Variants in GRIN3B observed in about 807,000 individuals in gnomAD.
The protein encoded by GRIN3B is glutamate ionotropic receptor NMDA type subunit 3B.
A neutral mutation model predicts 66.0 loss-of-function variants in GRIN3B; 77 were observed. The observed-to-expected ratio is 1.17, with a 90% CI of 0.97 to 1.41. GRIN3B has a LOEUF of 1.41. Among genes scored for constraint, GRIN3B ranks in the 40% most tolerant of loss-of-function variants. The pLI is 0.00. For synonymous variants in GRIN3B, 823 were observed against 749.7 expected, an observed-to-expected ratio of 1.10 and a Z score of -1.60; for missense variants, 1,787 against 1,564.5, an observed-to-expected ratio of 1.14 and a Z score of -2.40.
chr19:1,005,213 G>A lies in GRIN3B; in HGVS notation c.1712G>A (p.Trp571Ter). 1 of 1,613,378 alleles carries A rather than the reference G, an allele frequency of 6.2e-7. No individual in the cohort carries two copies. Among genetic ancestry groups the A allele is most frequent in the African/African-American group, 1.3e-5 (1 of 74,980 alleles). The stretch of plus-strand genomic sequence containing the variant: ...GCCTCACCCATCGGTGCCTTTATGT[G>A]GCCCCTGCACTGGTCCACGTGGCTG... Reference protein sequence around the residue: ...DTASPIGAFMWPLHWSTWLGV... With the variant: ...DTASPIGAFM The change falls in exon 3 of 9, where the codon TGG (tryptophan) becomes TAG (stop). Residue 571 changes from tryptophan to a stop codon, truncating the protein, a stop_gained. Coordinates refer to ENST00000234389, the MANE Select transcript of GRIN3B (RefSeq NM_138690.3). LOFTEE classifies it high-confidence loss of function. The surrounding 1 kb of genome is among the most constrained non-coding windows in gnomAD (Gnocchi z 5.2).
intron 5 of GRIN3B, 29 bp from the exon 6 acceptor site, chr19:1,008,111 G>A (rs1478841688): frequency 4.4e-6 from 7 of 1,574,672 alleles, no homozygotes; most frequent in Admixed American, 1.9e-5. Flanking sequence ...TGTCCCACCT[G>A]GCCCCACCGC....
chr19:1,001,081 A>G (rs1200823900), intron 1 of GRIN3B, among the ~76,000 whole-genome samples: 2 of 151,936 alleles, frequency 1.3e-5, no homozygotes, highest in Non-Finnish European at 2.9e-5. Context: ...AGGGGCAGGG[A>G]CCTAGACGCG....
At chr19:1,008,328 GTGGGC>G in intron 6 of GRIN3B, 37 bp downstream of exon 6, 7 of 788,070 alleles carry the variant, frequency 8.9e-6, no homozygotes, top group South Asian at 6.5e-5. Context: ...GGGGGTGGGG[GTGGGC>G]GTGGGGGGCC....
rs1174384589 is a variant in GRIN3B, at chr19:1,007,743, C to A, written c.2168C>A (p.Pro723His). ...GCACACATGCGGCGCCACAGCGCGC[C>A]CACCACGCCCCGCGGCGTCGCCATG... ...MHAHMRRHSAPTTPRGVAMLT... is the reference protein window; with the variant it reads ...MHAHMRRHSAHTTPRGVAMLT... The change falls in exon 4 of 9, where the codon CCC (proline) becomes CAC (histidine). Residue 723 changes from proline to histidine, a missense_variant. By Grantham distance (77) the Pro-to-His change is moderately conservative. Transcript: ENST00000234389. This position sits in a 1 kb window ranked among gnomAD's most constrained non-coding sequence, Gnocchi z 4.4. 1.3e-6 allele frequency: 2 copies of A among 1,520,214 alleles called. No homozygotes were observed. Among genetic ancestry groups the A allele is most frequent in the Admixed American group, 4.2e-5 (2 of 47,550 alleles). The allele number at this position is 1,520,214 out of a possible 1,614,324, so 94.2% of individuals were successfully genotyped here. A position where few individuals can be genotyped will look rare whatever the true frequency, so the allele number is the denominator to read the frequency against.
rs2038670109 is a variant in GRIN3B, at chr19:1,000,489, G to T, written c.52G>T (p.Gly18Trp). The change falls in exon 1 of 9, where the codon GGG becomes TGG. Residue 18 changes from glycine (G) to tryptophan (W), a missense_variant. Gly to Trp is a radical substitution (Grantham distance 184, BLOSUM62 -2). Transcript: ENST00000234389. ...GGGCCTGGCGCTGGCGCTGGGGCCG[G>T]GGTCCGCGGGGGGCCACCCTCAGCC... ...WLGLALALGP[G>W]SAGGHPQPCG... The T allele has an allele frequency of 2.5e-6, 3 of 1,204,192 alleles. No homozygotes were observed. In the African/African-American group the frequency reaches 4.7e-5, roughly 19 times the overall value. The allele number at this position is 1,204,192 out of a possible 1,614,324, so 74.6% of individuals were successfully genotyped here.
At position 1,008,737 on chromosome 19, in the gene GRIN3B, C is replaced by T. The variant is rs1405222502; in HGVS notation, c.2586C>T (p.Arg862=). ...CCTTCTTCCGCCTGGCGCTGCCGCG[C>T]ATCCGCAAGGGGAGCAGGCTGCAGT... ...EHAFFRLALP[R]IRKGSRLQYW... The change falls in exon 7 of 9, where the codon CGC becomes CGT. Residue 862 remains arginine (R), a synonymous_variant. Transcript: ENST00000234389. The T allele has an allele frequency of 6.2e-7, 1 of 1,608,462 alleles. No individual in the cohort carries two copies. The highest frequency in any genetic ancestry group is 8.5e-7 in the Non-Finnish European group (1 of 1,178,288).
rs1209362057 is a variant in GRIN3B, at chr19:1,003,252, C to A, written c.549C>A (p.Asp183Glu). The A allele has an allele frequency of 6.4e-7, 1 of 1,573,974 alleles. No individual in the cohort carries two copies. The highest frequency in any genetic ancestry group is 8.6e-7 in the Non-Finnish European group (1 of 1,161,704). Residue 183 changes from aspartate to glutamate, a missense_variant, in exon 2 of 9, where the codon GAC becomes GAA. Transcript: ENST00000234389. ...DVGLALCRTQ[D>E]PGGLVALWTS... ...GCCTGGCCCTGTGCCGCACTCAGGA[C>A]CCCGGCGGCCTGGTGGCCCTCTGGA...
In GRIN3B at chr19:1,003,543, G is replaced by A. The variant is rs535903229; in HGVS notation, c.840G>A (p.Ala280=). ...PTAGLPPGLL[A]LGEVARPPLE... The stretch of plus-strand genomic sequence containing the variant: ...CGGGGCTGCCACCAGGGCTGCTGGC[G>A]CTGGGCGAGGTGGCACGACCCCCGC... Residue 280 remains alanine, a synonymous_variant, in exon 2 of 9, where the codon GCG becomes GCA. Coordinates refer to ENST00000234389, the MANE Select transcript of GRIN3B (RefSeq NM_138690.3). 2.4e-5 allele frequency: 36 copies of A among 1,522,416 alleles called. No individual in the cohort carries two copies. Among genetic ancestry groups the A allele is most frequent in the Middle Eastern group, 1.7e-4 (1 of 5,846 alleles). The allele number at this position is 1,522,416 out of a possible 1,614,324, so 94.3% of individuals were successfully genotyped here. A position where few individuals can be genotyped will look rare whatever the true frequency, so the allele number is the denominator to read the frequency against.
At position 1,003,687 on chromosome 19, in the gene GRIN3B, G is replaced by A. The variant is rs769333690; in HGVS notation, c.984G>A (p.Pro328=). 25 of 1,406,974 alleles carry A rather than the reference G, an allele frequency of 1.8e-5. No individual in the cohort carries two copies. In the Admixed American group the frequency reaches 3.0e-4, roughly 17 times the overall value. 87.2% of individuals were successfully genotyped at this position (1,406,974 alleles called of 1,614,324 possible). ...CGGTCAACTGCGGGGACCTGCAGCC[G>A]GCCGGGCCCGAGTCCCCGGGGCGCT... ...PAPVNCGDLQ[P]AGPESPGRFL... The change falls in exon 2 of 9, where the codon CCG becomes CCA. Residue 328 remains proline (P), a synonymous_variant. Coordinates refer to ENST00000234389, the MANE Select transcript of GRIN3B (RefSeq NM_138690.3).
Position 1,000,747 on chromosome 19 carries a change from C to A in GRIN3B, c.310C>A (p.Leu104Ile). The change falls in exon 1 of 9, where the codon CTC becomes ATC. Residue 104 changes from leucine (L) to isoleucine (I), a missense_variant. By Grantham distance (5) the Leu-to-Ile change is conservative. Coordinates refer to ENST00000234389, the MANE Select transcript of GRIN3B (RefSeq NM_138690.3). ...ALVPPGVAAL[L>I]AFPEARPELL... ...GGTGCCTCCGGGCGTGGCGGCCCTG[C>A]TCGCCTTTCCCGAGGCTCGGCCCGA... The A allele has an allele frequency of 6.9e-7, 1 of 1,445,162 alleles. No homozygotes were observed. Among genetic ancestry groups the A allele is most frequent in the Non-Finnish European group, 9.1e-7 (1 of 1,104,136 alleles). The allele number at this position is 1,445,162 out of a possible 1,614,324, so 89.5% of individuals were successfully genotyped here.
At chr19:1,001,725 T>C (rs2038686072) in intron 1 of GRIN3B, among the ~76,000 whole-genome samples, 1 of 151,864 alleles carries the variant, frequency 6.6e-6, no homozygotes, top group Non-Finnish European at 1.5e-5. Flanking sequence ...ACCCTGACGC[T>C]AGAGGGGGGG....
Position 1,008,734 on chromosome 19 carries a change from G to T in GRIN3B, c.2583G>T (p.Pro861=), listed in dbSNP as rs768195774. The change falls in exon 7 of 9, where the codon CCG becomes CCT. Residue 861 remains proline, a synonymous_variant. Transcript: ENST00000234389. The part of the protein sequence containing the change: ...GEHAFFRLAL[P]RIRKGSRLQY... ...ACGCCTTCTTCCGCCTGGCGCTGCC[G>T]CGCATCCGCAAGGGGAGCAGGCTGC... The T allele has an allele frequency of 1.9e-6, 3 of 1,608,360 alleles. No homozygotes were observed. Among genetic ancestry groups the T allele is most frequent in the Admixed American group, 3.4e-5 (2 of 59,662 alleles).
rs760201230 is a variant in GRIN3B, at chr19:1,005,114, G to A, written c.1613G>A (p.Arg538His). The change falls in exon 3 of 9, where the codon CGC becomes CAC. Residue 538 changes from arginine (R) to histidine (H), a missense_variant. Physicochemically the swap from Arg to His is conservative, Grantham distance 29. Coordinates refer to ENST00000234389, the MANE Select transcript of GRIN3B (RefSeq NM_138690.3). The surrounding 1 kb of genome is among the most constrained non-coding windows in gnomAD (Gnocchi z 5.2). ...AVTSFSINSARSQVVDFTSPF... is the reference protein window; with the variant it reads ...AVTSFSINSAHSQVVDFTSPF... ...ACCAGCTTCAGTATCAACTCCGCCC[G>A]CTCACAGGTGGTGGACTTCACCAGC... 56 of 1,612,952 alleles carry A rather than the reference G, an allele frequency of 3.5e-5. No individual in the cohort carries two copies. The East Asian group carries it at 3.8e-4, about 11-fold the overall frequency.
Position 1,005,379 on chromosome 19 carries a change from C to A in GRIN3B, c.1878C>A (p.Ile626=). The A allele has an allele frequency of 6.2e-7, 1 of 1,613,768 alleles. No individual in the cohort carries two copies. The highest frequency in any genetic ancestry group is 8.5e-7 in the Non-Finnish European group (1 of 1,180,002). The stretch of plus-strand genomic sequence containing the variant: ...CAGCCCTCAACCTGTGCTACGCCAT[C>A]CTCTTCAGACGCACCGTGTCCAGCA... ...YSSALNLCYA[I]LFRRTVSSKT... The change falls in exon 3 of 9, where the codon ATC becomes ATA. Residue 626 remains isoleucine (I), a synonymous_variant. Transcript: ENST00000234389. The surrounding 1 kb of genome is among the most constrained non-coding windows in gnomAD (Gnocchi z 5.2).
intron 1 of GRIN3B, among the ~76,000 whole-genome samples, chr19:1,001,134 C>T (rs1204212164): frequency 6.6e-6 from 1 of 152,184 alleles, no homozygotes; most frequent in East Asian, 1.9e-4. Context: ...CCCCTGCAGA[C>T]CCCTTCCCAG....
Position 1,001,547 on chromosome 19 carries a change from T to TC in GRIN3B, c.426+691dup, listed in dbSNP as rs531639970. ...TGACTGGGTTCTGGGGTCCCTGTTG[T>TC]CCCCCCCAACAGGGCTCACTGCGCC... On this transcript the variant is annotated intron_variant, in intron 1 of 8. Transcript: ENST00000234389. Among the ~76,000 whole-genome samples, 78 of 151,340 alleles carry TC rather than the reference T, an allele frequency of 5.2e-4. No individual in the cohort carries two copies. In the East Asian group the frequency reaches 9.8e-3, roughly 19 times the overall value.
At chr19:1,008,331 GGCGT>G (rs773935013) in intron 6 of GRIN3B, 40 bp downstream of exon 6, 1 of 639,904 alleles carries the variant, frequency 1.6e-6, no homozygotes, top group South Asian at 1.7e-5. Flanking sequence ...GGTGGGGGTG[GGCGT>G]GGGGGGCCCT....
rs1192939884 is a variant in GRIN3B at position 1,008,712 on chromosome 19, CCTT to C, written c.2566_2568del (p.Phe856del). ...CTGCTCAGCTCGCTGGGCGAGCACG[CCTT>C]CTTCCGCCTGGCGCTGCCGCGCATC... On this transcript the variant is annotated inframe_deletion, in exon 7 of 9. Transcript: ENST00000234389. The C allele has an allele frequency of 2.5e-6, 4 of 1,608,598 alleles. No individual in the cohort carries two copies. Among genetic ancestry groups the C allele is most frequent in the East Asian group, 4.5e-5 (2 of 44,838 alleles).
chr19:1,001,528 G>A (rs1398540682), intron 1 of GRIN3B, among the ~76,000 whole-genome samples: 1 of 151,888 alleles, frequency 6.6e-6, no homozygotes, highest in Non-Finnish European at 1.5e-5. Context: ...CGATTGACTG[G>A]GTTCTGGGGT....
Sources: gnomAD v4.1 joint callset for allele counts (sites outside exome capture counted in the v4.1 genomes callset) on GRCh38, gnomAD v4.1.1 for gene constraint, Gnocchi (gnomAD v3.1) non-coding constraint, MANE v1.5 for transcripts, NCBI Gene and HGNC (gene_info 2026-07-23, HGNC 2026-07-21) for gene names.